Variants in AHI1 observed in about 807,000 individuals in gnomAD.
AHI1 encodes the protein Abelson helper integration site 1.
In AHI1, 123 loss-of-function variants were observed where a neutral mutation model predicts 149.3. That is an observed-to-expected ratio of 0.82 (90% CI 0.71 to 0.96). The LOEUF (loss-of-function observed/expected upper bound fraction) is 0.96. Ranked by LOEUF, AHI1 falls within the 40% of genes least tolerant of loss-of-function variation. The pLI is 0.00. For missense variants in AHI1, 1,439 were observed against 1,422.7 expected (o/e 1.01, Z -0.18); for synonymous variants, 475 against 459.8 (o/e 1.03, Z -0.42).
chr6:135,489,641 T>G (rs949231636), intron 5 of AHI1, among the ~76,000 whole-genome samples: 16 of 151,940 alleles, frequency 1.1e-4, no homozygotes, highest in African/African-American at 3.6e-4. Context: ...ACTATGGGAG[T>G]GCTAATCTGT....
At chr6:135,412,573 G>A (rs1583103719) in intron 20 of AHI1, among the ~76,000 whole-genome samples, 1 of 152,172 alleles carries the variant, frequency 6.6e-6, no homozygotes, top group Non-Finnish European at 1.5e-5. Context: ...TGATGATAAT[G>A]AGCATGGTAG....
At chr6:135,427,710 T>C (rs1784099938) in intron 19 of AHI1, among the ~76,000 whole-genome samples, 1 of 151,444 alleles carries the variant, frequency 6.6e-6, no homozygotes, top group South Asian at 2.1e-4. Flanking sequence ...TGGGTGAGCT[T>C]TGGTGAAGGA....
chr6:135,361,865 C>CT (rs1215391649), intron 23 of AHI1, among the ~76,000 whole-genome samples: 1 of 151,546 alleles, frequency 6.6e-6, no homozygotes, highest in African/African-American at 2.4e-5. Context: ...TTCAATAGGT[C>CT]TTTGAGGAAC....
chr6:135,475,927 T>A (rs1160759570), intron 5 of AHI1, among the ~76,000 whole-genome samples: 9 of 152,240 alleles, frequency 5.9e-5, no homozygotes, highest in African/African-American at 1.9e-4. Flanking sequence ...TTTATTACTC[T>A]TTTAAAAAAT....
Position 135,364,220 on chromosome 6 carries a change from C to T in AHI1, c.3110-6033G>A, listed in dbSNP as rs544473521. ...GGGTCTCCTCACTTCTCAGACGGGG[C>T]GTCCGGGCAGAGACGCTCCTCACAT... On this transcript the variant is annotated intron_variant, in intron 23 of 28. Transcript: ENST00000265602. Among the ~76,000 whole-genome samples, 436 of 150,776 alleles carry T rather than the reference C, an allele frequency of 2.9e-3. 5 individuals are homozygous for T. Among genetic ancestry groups the T allele is most frequent in the South Asian group, 0.011 (54 of 4,750 alleles).
intron 27 of AHI1, 73 bp from the exon 28 acceptor site, chr6:135,290,598 A>C (rs1782222136): frequency 1.3e-6 from 2 of 1,521,998 alleles, no homozygotes; most frequent in Non-Finnish European, 1.8e-6. Flanking sequence ...TGAGGCTTTG[A>C]TCTAGGGCCG....
At chr6:135,491,444 T>A (rs938305606) in intron 4 of AHI1, among the ~76,000 whole-genome samples, 2 of 152,208 alleles carry the variant, frequency 1.3e-5, no homozygotes, top group Non-Finnish European at 2.9e-5. Context: ...ATTCCTCACC[T>A]GGCTGGTGTT....
At chr6:135,480,650 G>C (rs78204752) in intron 5 of AHI1, among the ~76,000 whole-genome samples, 4,532 of 152,244 alleles carry the variant, frequency 0.03, 197 homozygotes, top group African/African-American at 0.099. Flanking sequence ...CTTTGCCCTC[G>C]TGGGTGGATT....
chr6:135,448,539 T>C lies in AHI1; in HGVS notation c.1441-64A>G, dbSNP rs555700586. 222 of 1,220,466 alleles carry C rather than the reference T, an allele frequency of 1.8e-4. No individual in the cohort carries two copies. The African/African-American group carries it at 2.9e-3, about 16-fold the overall frequency. The allele number at this position is 1,220,466 out of a possible 1,614,324, so 75.6% of individuals were successfully genotyped here. A position where few individuals can be genotyped will look rare whatever the true frequency, so the allele number is the denominator to read the frequency against. On this transcript the variant is annotated intron_variant, in intron 11 of 28. Coordinates refer to ENST00000265602, the MANE Select transcript of AHI1 (RefSeq NM_001134831.2). ...AAAATAAATATATCCAATAAAGCAA[T>C]AGCATAAAGTCAGAAACATTTTTAA... is the stretch of plus-strand genomic sequence containing the variant.
At chr6:135,342,786 G>A (rs1055415477) in intron 24 of AHI1, among the ~76,000 whole-genome samples, 82 of 151,478 alleles carry the variant, frequency 5.4e-4, no homozygotes, top group African/African-American at 1.8e-3. Flanking sequence ...GCCTATAAAG[G>A]CTATATATAG....
At chr6:135,439,988 G>A (rs1194439740) in intron 14 of AHI1, among the ~76,000 whole-genome samples, 1 of 152,142 alleles carries the variant, frequency 6.6e-6, no homozygotes, top group Non-Finnish European at 1.5e-5. Context: ...ATTAAGCAAA[G>A]CTTACAAAAA....
intron 24 of AHI1, among the ~76,000 whole-genome samples, chr6:135,338,531 C>T (rs9494221): frequency 0.072 from 10,940 of 152,050 alleles, 1,253 homozygotes; most frequent in African/African-American, 0.24. Flanking sequence ...GGAATCACTT[C>T]CAGAACAGTG....
chr6:135,415,633 T>C (rs534788633), intron 20 of AHI1, among the ~76,000 whole-genome samples: 1 of 152,330 alleles, frequency 6.6e-6, no homozygotes, highest in Admixed American at 6.5e-5. Context: ...ATCTGCAATA[T>C]GATCCAGCCC....
intron 24 of AHI1, among the ~76,000 whole-genome samples, chr6:135,329,592 C>T (rs181494852): frequency 5.1e-4 from 77 of 152,292 alleles, no homozygotes; most frequent in Non-Finnish European, 9.4e-4. Context: ...TGGAGATGCA[C>T]AAGGAGATAA....
chr6:135,385,931 T>C (rs928565334), intron 23 of AHI1, among the ~76,000 whole-genome samples: 1 of 152,234 alleles, frequency 6.6e-6, no homozygotes, highest in Non-Finnish European at 1.5e-5. Context: ...CTTTAATATA[T>C]TCACAACATT....
At chr6:135,374,721 A>C (rs539395072) in intron 23 of AHI1, among the ~76,000 whole-genome samples, 2 of 152,306 alleles carry the variant, frequency 1.3e-5, no homozygotes, top group African/African-American at 4.8e-5. Context: ...TACAACAAAA[A>C]ATGTGTAAAA....
rs778008442 is a variant in AHI1, at chr6:135,465,845, CCTTTTT to C, written c.712_717del (p.Lys238_Lys239del). ...TCAGCTTTAGAGAAGACTGGAACTT[CCTTTTT>C]CTTTTTCCTTTTTTCACTGCTTAGT... On this transcript the variant is annotated inframe_deletion, in exon 7 of 29. Coordinates refer to ENST00000265602, the MANE Select transcript of AHI1 (RefSeq NM_001134831.2). 2.0e-5 allele frequency: 30 copies of C among 1,481,838 alleles called. No individual in the cohort carries two copies. The highest frequency in any genetic ancestry group is 2.6e-5 in the Non-Finnish European group (29 of 1,120,148). The allele number at this position is 1,481,838 out of a possible 1,614,324, so 91.8% of individuals were successfully genotyped here.
intron 20 of AHI1, among the ~76,000 whole-genome samples, chr6:135,412,868 T>C (rs1470913349): frequency 1.3e-5 from 2 of 152,186 alleles, no homozygotes; most frequent in South Asian, 2.1e-4. Context: ...GAAATTACTA[T>C]GGAAATGTGA....
chr6:135,293,593 C>T (rs1782682976), intron 27 of AHI1, among the ~76,000 whole-genome samples: 1 of 110,008 alleles, frequency 9.1e-6, no homozygotes, highest in Non-Finnish European at 1.6e-5. Flanking sequence ...ATACAATAAT[C>T]AGTAGTATTT....
Sources: allele counts gnomAD v4.1 joint callset (sites outside exome capture counted in the v4.1 genomes callset), GRCh38; gene constraint gnomAD v4.1.1; transcripts MANE v1.5; gene names NCBI Gene and HGNC (gene_info 2026-07-23, HGNC 2026-07-21).